The following GPC6 variants were observed in gnomAD, a reference collection of about 807,000 sequenced individuals.
GPC6 encodes the protein glypican 6, also known as glypican-6.
A neutral mutation model predicts 55.2 loss-of-function variants in GPC6; 14 were observed. That is an observed-to-expected ratio of 0.25 (90% CI 0.17 to 0.40). GPC6 has a LOEUF of 0.40. Ranked by LOEUF, GPC6 falls within the 10% of genes least tolerant of loss-of-function variation. The probability of loss-of-function intolerance (pLI) is 1.00; values close to 1 mark genes in which losing one functional copy is unlikely to be tolerated. For synonymous variants in GPC6, 278 were observed against 259.6 expected (o/e 1.07, Z -0.68); for missense variants, 641 against 708.5 (o/e 0.90, Z 1.08).
At chr13:94,353,712 C>G (rs1221486059) in intron 6 of GPC6, among the ~76,000 whole-genome samples, 1 of 152,168 alleles carries the variant, frequency 6.6e-6, no homozygotes, top group Non-Finnish European at 1.5e-5. Flanking sequence ...AGCTTCAATG[C>G]TGAAAATTTC....
chr13:94,329,758 TTCCTCCTCCTCCTTCCTCCTAC>T (rs1219918068), intron 6 of GPC6, among the ~76,000 whole-genome samples: 1 of 152,048 alleles, frequency 6.6e-6, no homozygotes, highest in Non-Finnish European at 1.5e-5. Context: ...CCTCCTCCTC[TTCCTCCTCCTCCTTCCTCCTAC>T]TCCTCCTCCT....
chr13:94,180,359 A>T (rs958676075), intron 4 of GPC6, among the ~76,000 whole-genome samples: 1 of 152,194 alleles, frequency 6.6e-6, no homozygotes, highest in African/African-American at 2.4e-5. Flanking sequence ...GAATTGATAA[A>T]CAGGCTGTTT....
chr13:93,584,602 A>G (rs1490708070), intron 2 of GPC6, among the ~76,000 whole-genome samples: 1 of 151,786 alleles, frequency 6.6e-6, no homozygotes, highest in African/African-American at 2.4e-5. Flanking sequence ...AATTTTTAAG[A>G]GTATAAAGAG....
chr13:94,193,089 G>A (rs892843513), intron 4 of GPC6, among the ~76,000 whole-genome samples: 7 of 143,850 alleles, frequency 4.9e-5, no homozygotes, highest in African/African-American at 1.8e-4. Flanking sequence ...GTGTGTGTGT[G>A]TGTGTGTGTA....
At chr13:94,150,837 TTGA>T (rs1398484866) in intron 4 of GPC6, among the ~76,000 whole-genome samples, 19 of 144,202 alleles carry the variant, frequency 1.3e-4, no homozygotes, top group East Asian at 4.3e-4. Context: ...TATATGTTTA[TTGA>T]ATGAGTAAAT....
chr13:94,324,714 T>TG (rs886268249), intron 6 of GPC6, among the ~76,000 whole-genome samples: 1 of 151,678 alleles, frequency 6.6e-6, no homozygotes, highest in African/African-American at 2.4e-5. Context: ...TGTTTTTTTT[T>TG]TTAATTTCTG....
At chr13:93,905,235 G>A (rs1389988811) in intron 3 of GPC6, among the ~76,000 whole-genome samples, 3 of 151,896 alleles carry the variant, frequency 2.0e-5, no homozygotes, top group Admixed American at 1.3e-4. Context: ...AATTCAGAGG[G>A]AATTGGATTC....
At chr13:94,324,948 C>T (rs150035218) in intron 6 of GPC6, among the ~76,000 whole-genome samples, 46 of 152,312 alleles carry the variant, frequency 3.0e-4, no homozygotes, top group African/African-American at 1.0e-3. Flanking sequence ...CTTGAAGAGA[C>T]TCCCAGGGCC....
intron 2 of GPC6, among the ~76,000 whole-genome samples, chr13:93,821,562 G>T (rs1283802818): frequency 6.6e-6 from 1 of 152,108 alleles, no homozygotes; most frequent in Non-Finnish European, 1.5e-5. Context: ...TTAGGACATT[G>T]GGATTTTTAA....
At chr13:94,167,709 G>T (rs1005190978) in intron 4 of GPC6, among the ~76,000 whole-genome samples, 1 of 152,154 alleles carries the variant, frequency 6.6e-6, no homozygotes, top group African/African-American at 2.4e-5. Context: ...AGGGCTGGAA[G>T]ATTTGAGGAG....
intron 1 of GPC6, among the ~76,000 whole-genome samples, chr13:93,283,690 A>T (rs1878024273): frequency 6.6e-6 from 1 of 152,224 alleles, no homozygotes; most frequent in Non-Finnish European, 1.5e-5. Context: ...CAGACTACAG[A>T]TCACTTTTGT....
At chr13:93,272,256 A>G (rs1180657442) in intron 1 of GPC6, among the ~76,000 whole-genome samples, 1 of 151,994 alleles carries the variant, frequency 6.6e-6, no homozygotes, top group African/African-American at 2.4e-5. Context: ...AGCTTTGGGA[A>G]TATGTAAGTT....
chr13:93,813,064 TA>T (rs1886744605), intron 2 of GPC6, among the ~76,000 whole-genome samples: 1 of 152,214 alleles, frequency 6.6e-6, no homozygotes, highest in African/African-American at 2.4e-5. Flanking sequence ...TATTTAGAAC[TA>T]CTGTGAGCTG....
intron 6 of GPC6, among the ~76,000 whole-genome samples, chr13:94,347,772 A>T (rs1275107312): frequency 6.6e-6 from 1 of 152,232 alleles, no homozygotes; most frequent in Non-Finnish European, 1.5e-5. Context: ...TTTTAAATAA[A>T]GCTACACAAA....
intron 1 of GPC6, among the ~76,000 whole-genome samples, chr13:93,314,743 GTGT>G (rs1879186402): frequency 6.6e-6 from 1 of 151,138 alleles, no homozygotes; most frequent in African/African-American, 2.5e-5. Context: ...GTGTGTGTGT[GTGT>G]GTGTGTGTGT....
At chr13:93,742,888 C>A (rs925781290) in intron 2 of GPC6, among the ~76,000 whole-genome samples, 1 of 151,846 alleles carries the variant, frequency 6.6e-6, no homozygotes, top group Non-Finnish European at 1.5e-5. Flanking sequence ...TACTTGTGTA[C>A]GTAACTGAAG....
intron 6 of GPC6, among the ~76,000 whole-genome samples, chr13:94,350,913 T>C (rs563507867): frequency 6.6e-6 from 1 of 152,188 alleles, no homozygotes; most frequent in East Asian, 1.9e-4. Context: ...TAAAGGAAAT[T>C]GGCATTGGGA....
At chr13:93,240,773 G>A (rs7319254) in intron 1 of GPC6, among the ~76,000 whole-genome samples, 87,582 of 151,852 alleles carry the variant, frequency 0.58, 26,002 homozygotes, top group African/African-American at 0.7. Flanking sequence ...ATACTGTTGC[G>A]TATAGAACTT....
At chr13:93,943,756 T>TA (rs1349056963) in intron 3 of GPC6, among the ~76,000 whole-genome samples, 1 of 152,114 alleles carries the variant, frequency 6.6e-6, no homozygotes, top group African/African-American at 2.4e-5. Context: ...TCTCCTACGC[T>TA]AAAAAAGCAA....
Sources: gnomAD v4.1 joint callset for allele counts (sites outside exome capture counted in the v4.1 genomes callset) on GRCh38, gnomAD v4.1.1 for gene constraint, MANE v1.5 for transcripts, NCBI Gene and HGNC (gene_info 2026-07-23, HGNC 2026-07-21) for gene names.